CYRIB: variants seen among roughly 807,000 people sequenced by gnomAD.
The protein encoded by CYRIB is CYFIP related Rac1 interactor B.
In CYRIB, 8 loss-of-function variants were observed where a neutral mutation model predicts 44.2. The observed-to-expected ratio is 0.18, with a 90% CI of 0.11 to 0.33. The LOEUF is 0.33. Ranked by LOEUF, CYRIB falls within the 10% of genes least tolerant of loss-of-function variation. The probability of loss-of-function intolerance (pLI) is 1.00; values close to 1 mark genes in which losing one functional copy is unlikely to be tolerated. For synonymous variants in CYRIB, 131 were observed against 127.2 expected, an observed-to-expected ratio of 1.03 and a Z score of -0.20; for missense variants, 185 against 382.8, an observed-to-expected ratio of 0.48 and a Z score of 4.31.
chr8:129,939,180 G>C (rs2093345176), intron 1 of CYRIB, among the ~76,000 whole-genome samples: 1 of 152,028 alleles, frequency 6.6e-6, no homozygotes, highest in Non-Finnish European at 1.5e-5. Flanking sequence ...GCTGGGGACG[G>C]GAACAGGGGA....
intron 1 of CYRIB, among the ~76,000 whole-genome samples, chr8:129,971,756 C>T (rs1284430871): frequency 6.6e-6 from 1 of 152,180 alleles, no homozygotes; most frequent in East Asian, 1.9e-4. Flanking sequence ...TGAATCACTT[C>T]CTGTTTCAGG....
At chr8:130,005,883 C>T (rs1041965494) in intron 1 of CYRIB, among the ~76,000 whole-genome samples, 1 of 151,968 alleles carries the variant, frequency 6.6e-6, no homozygotes, top group Non-Finnish European at 1.5e-5. Flanking sequence ...CTTTCCATCT[C>T]ACACCAGCCA....
At chr8:129,882,841 T>C (rs2061288161) in intron 2 of CYRIB, among the ~76,000 whole-genome samples, 1 of 152,130 alleles carries the variant, frequency 6.6e-6, no homozygotes, top group Non-Finnish European at 1.5e-5. Flanking sequence ...CCTGACCTAT[T>C]TGCTCTCATA....
intron 1 of CYRIB, among the ~76,000 whole-genome samples, chr8:129,997,721 C>T (rs573697994): frequency 2.6e-5 from 4 of 152,262 alleles, no homozygotes; most frequent in Admixed American, 2.0e-4. Context: ...ACTAGGTTGT[C>T]ACATAGCCTG....
At chr8:129,987,219 G>A (rs1042020482) in intron 1 of CYRIB, among the ~76,000 whole-genome samples, 2 of 152,210 alleles carry the variant, frequency 1.3e-5, no homozygotes, top group African/African-American at 4.8e-5. Context: ...CACACAGCTG[G>A]GGCCCCTGGA....
intron 1 of CYRIB, among the ~76,000 whole-genome samples, chr8:129,928,842 C>T (rs1163513201): frequency 3.3e-5 from 5 of 152,148 alleles, no homozygotes; most frequent in Non-Finnish European, 7.4e-5. Context: ...TCCTCATACA[C>T]TACTGGTAGG....
chr8:129,876,560 T>C (rs192454862), intron 3 of CYRIB, among the ~76,000 whole-genome samples: 4 of 152,282 alleles, frequency 2.6e-5, no homozygotes, highest in African/African-American at 9.6e-5. Context: ...ATGAGAGGAG[T>C]AAATTAAAGG....
At chr8:129,981,102 C>G (rs1403275720) in intron 1 of CYRIB, among the ~76,000 whole-genome samples, 1 of 152,112 alleles carries the variant, frequency 6.6e-6, no homozygotes, top group Non-Finnish European at 1.5e-5. Flanking sequence ...GATCCCAATA[C>G]CATCTCAGTT....
chr8:129,865,482 G>A (rs1375712027), intron 4 of CYRIB, among the ~76,000 whole-genome samples: 6 of 152,138 alleles, frequency 3.9e-5, no homozygotes, highest in African/African-American at 1.4e-4. Context: ...AGAAAAACAT[G>A]GACTCAAATA....
chr8:129,894,929 A>T (rs13257982), intron 2 of CYRIB, among the ~76,000 whole-genome samples: 92,127 of 147,972 alleles, frequency 0.62, 29,109 homozygotes, highest in African/African-American at 0.72. Context: ...ATATATATAT[A>T]TTTTTTTAAT....
At chr8:129,893,178 G>C (rs904287412) in intron 2 of CYRIB, among the ~76,000 whole-genome samples, 9 of 152,154 alleles carry the variant, frequency 5.9e-5, no homozygotes, top group African/African-American at 2.2e-4. Flanking sequence ...TGGATGATCA[G>C]TTTTTTAAAA....
chr8:129,933,371 A>C (rs2092072902), intron 1 of CYRIB, among the ~76,000 whole-genome samples: 2 of 152,062 alleles, frequency 1.3e-5, no homozygotes, highest in African/African-American at 4.8e-5. Flanking sequence ...TTGCCCAGAG[A>C]AGTTCAGGGA....
intron 2 of CYRIB, among the ~76,000 whole-genome samples, chr8:129,962,415 C>T (rs1372138094): frequency 3.3e-5 from 5 of 152,036 alleles, no homozygotes; most frequent in Non-Finnish European, 5.9e-5. Context: ...TGCACACCAA[C>T]CTGGGCCACA....
intron 1 of CYRIB, among the ~76,000 whole-genome samples, chr8:129,931,234 A>C (rs1174650430): frequency 6.6e-6 from 1 of 152,072 alleles, no homozygotes; most frequent in East Asian, 1.9e-4. Flanking sequence ...CTAAATCTAC[A>C]CATATAAAGG....
intron 1 of CYRIB, among the ~76,000 whole-genome samples, chr8:129,998,559 C>T (rs112271978): frequency 1.1e-4 from 16 of 152,094 alleles, no homozygotes; most frequent in Middle Eastern, 3.5e-3. Context: ...GCACTGCTGA[C>T]GAAATTTCCC....
At chr8:129,986,868 G>C (rs370021531) in intron 1 of CYRIB, among the ~76,000 whole-genome samples, 1 of 152,150 alleles carries the variant, frequency 6.6e-6, no homozygotes, top group Non-Finnish European at 1.5e-5. Context: ...AGCCCCTTCT[G>C]GTAATGGCAC....
intron 2 of CYRIB, among the ~76,000 whole-genome samples, chr8:129,969,636 A>C (rs903981216): frequency 6.6e-6 from 1 of 152,186 alleles, no homozygotes; most frequent in African/African-American, 2.4e-5. Context: ...ACCATCTTTC[A>C]TGAAGTCCAA....
chr8:129,981,628 T>C (rs780158472), intron 1 of CYRIB, among the ~76,000 whole-genome samples: 11 of 152,334 alleles, frequency 7.2e-5, no homozygotes, highest in East Asian at 3.9e-4. Context: ...TTTGCAGAGA[T>C]AGAGAATATT....
intron 2 of CYRIB, chr8:129,896,796 A>AT (rs746823325): frequency 6.6e-6 from 1 of 152,222 alleles, no homozygotes; most frequent in Non-Finnish European, 1.5e-5. Flanking sequence ...ACTGTCCATC[A>AT]TTCTTTCTTC....
Sources: allele counts gnomAD v4.1 joint callset (sites outside exome capture counted in the v4.1 genomes callset), GRCh38; gene constraint gnomAD v4.1.1; transcripts MANE v1.5; gene names NCBI Gene and HGNC (gene_info 2026-07-23, HGNC 2026-07-21).